Variants in PRKG1 observed in about 807,000 individuals in gnomAD.
PRKG1 encodes cGMP-dependent protein kinase 1.
PRKG1 carries 35 observed loss-of-function variants against 88.1 expected under a neutral mutation model. That is an observed-to-expected ratio of 0.40 (90% CI 0.30 to 0.53). The LOEUF (loss-of-function observed/expected upper bound fraction) is 0.53. Ranked by LOEUF, PRKG1 falls within the 20% of genes least tolerant of loss-of-function variation. The pLI, the probability that PRKG1 is intolerant of heterozygous loss-of-function variation, is 0.59. For missense variants in PRKG1, 540 were observed against 839.8 expected (o/e 0.64, Z 4.41); for synonymous variants, 303 against 292.5 (o/e 1.04, Z -0.37).
chr10:51,607,257 T>C (rs1351971128), intron 3 of PRKG1, among the ~76,000 whole-genome samples: 1 of 152,148 alleles, frequency 6.6e-6, no homozygotes, highest in Non-Finnish European at 1.5e-5. Context: ...GGCAGAGAGG[T>C]AGTTAATTTT....
At chr10:51,435,981 C>T (rs1210150699) in intron 2 of PRKG1, among the ~76,000 whole-genome samples, 1 of 151,828 alleles carries the variant, frequency 6.6e-6, no homozygotes, top group Non-Finnish European at 1.5e-5. Flanking sequence ...GCAAAGATAA[C>T]CTTTAAACAC....
At chr10:52,187,568 G>A (rs372110826) in intron 9 of PRKG1, among the ~76,000 whole-genome samples, 5 of 152,092 alleles carry the variant, frequency 3.3e-5, no homozygotes, top group East Asian at 1.9e-4. Context: ...TCTCCAAATC[G>A]CAGCATTTTT....
chr10:51,192,901 T>C (rs1229452164), intron 2 of PRKG1, among the ~76,000 whole-genome samples: 2 of 152,014 alleles, frequency 1.3e-5, no homozygotes, highest in African/African-American at 2.4e-5. Flanking sequence ...TGTTTATTTA[T>C]TGAGCATTTG....
chr10:51,854,729 C>G (rs538694483), intron 4 of PRKG1, among the ~76,000 whole-genome samples: 1 of 152,164 alleles, frequency 6.6e-6, no homozygotes, highest in South Asian at 2.1e-4. Context: ...CTAAAGTTAG[C>G]GTAATCTGGG....
Position 51,590,130 on chromosome 10 carries a change from A to G in PRKG1, c.592+122294A>G, listed in dbSNP as rs149165548. On this transcript the variant is annotated intron_variant, in intron 3 of 17. Coordinates refer to ENST00000373980, the MANE Select transcript of PRKG1 (RefSeq NM_006258.4). ...TTTCTCTTCAATGATGGTCAGACCA[A>G]CATAGTTGTGACTGATTTTGAGAAA... is the stretch of plus-strand genomic sequence containing the variant. Among the ~76,000 whole-genome samples, 778 of 152,314 alleles carry G rather than the reference A, an allele frequency of 5.1e-3. 8 individuals carry two copies. Among genetic ancestry groups the G allele is most frequent in the African/African-American group, 0.018 (747 of 41,586 alleles).
At chr10:51,570,457 A>T (rs1263120402) in intron 3 of PRKG1, among the ~76,000 whole-genome samples, 2 of 151,972 alleles carry the variant, frequency 1.3e-5, no homozygotes, top group African/African-American at 4.8e-5. Context: ...CTTCATCCTC[A>T]CTGCCTTCAA....
At chr10:51,761,757 A>G (rs1231790341) in intron 3 of PRKG1, among the ~76,000 whole-genome samples, 1 of 152,146 alleles carries the variant, frequency 6.6e-6, no homozygotes, top group Non-Finnish European at 1.5e-5. Flanking sequence ...CATGGGAACT[A>G]TTTTGTTTTG....
chr10:51,244,866 A>G (rs1414248602), intron 2 of PRKG1: 1 of 150,342 alleles, frequency 6.7e-6, no homozygotes, highest in Non-Finnish European at 1.5e-5. Flanking sequence ...TCTACAACCG[A>G]GATTGTATCT....
intron 2 of PRKG1, among the ~76,000 whole-genome samples, chr10:51,320,875 T>C (rs778092964): frequency 3.9e-5 from 6 of 152,232 alleles, no homozygotes; most frequent in Non-Finnish European, 8.8e-5. Context: ...TAACAAGGAA[T>C]CAAGTATAAT....
At chr10:51,787,311 A>G (rs1435540686) in intron 3 of PRKG1, among the ~76,000 whole-genome samples, 1 of 152,166 alleles carries the variant, frequency 6.6e-6, no homozygotes, top group Non-Finnish European at 1.5e-5. Flanking sequence ...GCATATATAA[A>G]TAAGAGCCCT....
chr10:51,215,703 C>T (rs1275564164), intron 2 of PRKG1, among the ~76,000 whole-genome samples: 2 of 152,214 alleles, frequency 1.3e-5, no homozygotes, highest in Non-Finnish European at 2.9e-5. Flanking sequence ...CTCCATCCCT[C>T]TCTTCTTCCC....
intron 4 of PRKG1, among the ~76,000 whole-genome samples, chr10:51,829,445 A>C (rs544905910): frequency 6.6e-6 from 1 of 152,232 alleles, no homozygotes; most frequent in Non-Finnish European, 1.5e-5. Context: ...ATAAAGCCTA[A>C]CTCTTTTCTA....
intron 3 of PRKG1, among the ~76,000 whole-genome samples, chr10:51,548,865 G>C (rs1407470853): frequency 6.6e-6 from 1 of 151,974 alleles, no homozygotes; most frequent in African/African-American, 2.4e-5. Flanking sequence ...GATCTTGTAT[G>C]AATCTCAGGT....
intron 14 of PRKG1, among the ~76,000 whole-genome samples, chr10:52,284,774 A>G (rs2132453563): frequency 6.6e-6 from 1 of 152,176 alleles, no homozygotes; most frequent in South Asian, 2.1e-4. Flanking sequence ...AGAGGAACTG[A>G]GGTGAAGGAA....
intron 2 of PRKG1, among the ~76,000 whole-genome samples, chr10:51,198,000 A>G (rs764106528): frequency 4.6e-5 from 7 of 152,036 alleles, no homozygotes; most frequent in Non-Finnish European, 8.8e-5. Context: ...GTGAAAGAGA[A>G]GACAAAGGTA....
At chr10:51,743,286 T>A (rs1837482630) in intron 3 of PRKG1, among the ~76,000 whole-genome samples, 1 of 152,058 alleles carries the variant, frequency 6.6e-6, no homozygotes, top group South Asian at 2.1e-4. Context: ...GGGGATAGAA[T>A]AGGCAGGAAC....
chr10:51,381,158 G>A (rs1478190824), intron 2 of PRKG1, among the ~76,000 whole-genome samples: 1 of 149,810 alleles, frequency 6.7e-6, no homozygotes, highest in Non-Finnish European at 1.5e-5. Context: ...TCAGGAGGCT[G>A]AGGCAGAATA....
intron 3 of PRKG1, chr10:51,699,548 A>G: frequency 1.2e-6 from 2 of 1,608,050 alleles, no homozygotes; most frequent in Non-Finnish European, 1.7e-6. Context: ...CAAACTCGAC[A>G]TGATTCCGGT....
At chr10:51,665,745 A>G (rs1840406974) in intron 3 of PRKG1, among the ~76,000 whole-genome samples, 1 of 151,776 alleles carries the variant, frequency 6.6e-6, no homozygotes. Flanking sequence ...TCATTTTTTA[A>G]AATGTATGCT....
Sources: allele counts gnomAD v4.1 joint callset (sites outside exome capture counted in the v4.1 genomes callset), GRCh38; gene constraint gnomAD v4.1.1; transcripts MANE v1.5; gene names NCBI Gene and HGNC (gene_info 2026-07-23, HGNC 2026-07-21).